Variants in AHCYL2 observed in about 807,000 individuals in gnomAD.
AHCYL2 encodes the protein S-adenosylhomocysteine hydrolase-like protein 2.
In AHCYL2, 28 loss-of-function variants were observed where a neutral mutation model predicts 81.4. The ratio of observed to expected loss-of-function variants is 0.34; its 90% CI spans 0.25 to 0.47. The LOEUF (loss-of-function observed/expected upper bound fraction) is 0.47. AHCYL2 is among the 20% of genes least tolerant of loss of function. The pLI is 1.00. For missense variants in AHCYL2, 551 were observed against 785.1 expected (o/e 0.70, Z 3.56); for synonymous variants, 272 against 290.2 (o/e 0.94, Z 0.64).
intron 1 of AHCYL2, among the ~76,000 whole-genome samples, chr7:129,334,487 G>A (rs896728439): frequency 2.6e-5 from 4 of 152,018 alleles, no homozygotes; most frequent in Non-Finnish European, 5.9e-5. Flanking sequence ...TTTTACTGTC[G>A]ACAGACGATA....
intron 1 of AHCYL2, among the ~76,000 whole-genome samples, chr7:129,255,821 G>A (rs1454161920): frequency 1.3e-5 from 2 of 152,170 alleles, no homozygotes; most frequent in Non-Finnish European, 1.5e-5. Context: ...ACAAAAATTA[G>A]CTGGGCCTCG....
chr7:129,383,819 C>G (rs1362390663), intron 2 of AHCYL2, among the ~76,000 whole-genome samples: 2 of 152,186 alleles, frequency 1.3e-5, no homozygotes, highest in Non-Finnish European at 2.9e-5. Context: ...TGCTCTTTTT[C>G]CAGATACATG....
At chr7:129,281,771 T>A (rs1483975323) in intron 1 of AHCYL2, among the ~76,000 whole-genome samples, 1 of 152,188 alleles carries the variant, frequency 6.6e-6, no homozygotes, top group East Asian at 1.9e-4. Flanking sequence ...GTGCTGGGAT[T>A]ACAGGCGTGA....
At chr7:129,237,853 G>T (rs1051239755) in intron 1 of AHCYL2, among the ~76,000 whole-genome samples, 2 of 151,978 alleles carry the variant, frequency 1.3e-5, no homozygotes, top group Admixed American at 1.3e-4. Flanking sequence ...GAGTGGCTGG[G>T]ATTACAGGTG....
chr7:129,353,244 G>A (rs755509658), intron 1 of AHCYL2, among the ~76,000 whole-genome samples: 4 of 152,050 alleles, frequency 2.6e-5, no homozygotes, highest in Non-Finnish European at 5.9e-5. Flanking sequence ...CACCATGCCC[G>A]GCCATTCTTT....
chr7:129,241,424 C>T (rs983267519), intron 1 of AHCYL2, among the ~76,000 whole-genome samples: 1 of 151,980 alleles, frequency 6.6e-6, no homozygotes, highest in Non-Finnish European at 1.5e-5. Context: ...AACCTTGTCT[C>T]TACTAAAAAT....
At position 129,428,270 on chromosome 7, in the gene AHCYL2, T is replaced by G. The variant is rs1207163944; in HGVS notation, c.*1225T>G. On this transcript the variant is annotated 3_prime_UTR_variant, in exon 17 of 17. Transcript: ENST00000325006. ...GACTTCTCTGCTGGCATATCTTTTA[T>G]GATTTAACCTCTTCCATTTGATGAT... 1 of 152,242 alleles carries G rather than the reference T, an allele frequency of 6.6e-6. No individual in the cohort carries two copies. The highest frequency in any genetic ancestry group is 1.5e-5 in the Non-Finnish European group (1 of 68,040). The allele number at this position is 152,242 out of a possible 1,614,324, so 9.4% of individuals were successfully genotyped here.
chr7:129,240,001 A>G (rs1225037541), intron 1 of AHCYL2, among the ~76,000 whole-genome samples: 1 of 152,070 alleles, frequency 6.6e-6, no homozygotes, highest in Non-Finnish European at 1.5e-5. Context: ...AGGCGGGTGG[A>G]TCACCTGAGG....
intron 1 of AHCYL2, among the ~76,000 whole-genome samples, chr7:129,363,852 T>A (rs954821209): frequency 1.3e-5 from 2 of 152,134 alleles, no homozygotes; most frequent in African/African-American, 4.8e-5. Flanking sequence ...TTATTTTTAA[T>A]CTTGTTTCTC....
chr7:129,226,288 G>A lies in AHCYL2; in HGVS notation c.363+849G>A, dbSNP rs117404808. On this transcript the variant is annotated intron_variant, in intron 1 of 16. Coordinates refer to ENST00000325006, the MANE Select transcript of AHCYL2 (RefSeq NM_015328.4). ...CAGAATACCAAGAAGTAACTGCCTA[G>A]GTGGATGATAGCCCTGTATTACCCG... 1.1e-3 allele frequency among the ~76,000 whole-genome samples: 174 copies of A among 152,320 alleles called. 2 individuals are homozygous for A. The East Asian group carries it at 0.019, about 17-fold the overall frequency.
chr7:129,285,008 TA>T (rs1204611009), intron 1 of AHCYL2, among the ~76,000 whole-genome samples: 1 of 152,196 alleles, frequency 6.6e-6, no homozygotes, highest in Non-Finnish European at 1.5e-5. Context: ...TTTTGGAGTA[TA>T]AAAAATTAGA....
At chr7:129,424,464 T>A (rs905816319) in intron 13 of AHCYL2, among the ~76,000 whole-genome samples, 2 of 152,086 alleles carry the variant, frequency 1.3e-5, no homozygotes, top group African/African-American at 4.8e-5. Flanking sequence ...ATACCTCCCC[T>A]CACAACCTGG....
At position 129,406,558 on chromosome 7, in the gene AHCYL2, A is replaced by G. The variant is rs1796317584; in HGVS notation, c.1295+92A>G. The stretch of plus-strand genomic sequence containing the variant: ...GCCACACTTTATTTTAGAGGAGCCC[A>G]GATCCTCAGAGATGCTGCCACTAAC... On this transcript the variant is annotated intron_variant, in intron 10 of 16. Coordinates refer to ENST00000325006, the MANE Select transcript of AHCYL2 (RefSeq NM_015328.4). This position sits in a 1 kb window ranked among gnomAD's most constrained non-coding sequence, Gnocchi z 4.3. The G allele has an allele frequency of 1.7e-6, 2 of 1,144,632 alleles. No homozygotes were observed. The highest frequency in any genetic ancestry group is 3.0e-5 in the African/African-American group (2 of 65,734). 70.9% of individuals were successfully genotyped at this position (1,144,632 alleles called of 1,614,324 possible).
chr7:129,288,774 T>C lies in AHCYL2; in HGVS notation c.363+63335T>C, dbSNP rs1378777790. Reference sequence around the variant, plus strand: ...TTGTTTTAAAATTTTATCTATTTATTATTATTATTTTTGAGACAAGGCCTT... The same window carrying C: ...TTGTTTTAAAATTTTATCTATTTATCATTATTATTTTTGAGACAAGGCCTT... On this transcript the variant is annotated intron_variant, in intron 1 of 16. Transcript: ENST00000325006. Among the ~76,000 whole-genome samples the C allele has an allele frequency of 5.3e-5, 8 of 152,102 alleles. No individual in the cohort carries two copies. In the South Asian group the frequency reaches 1.7e-3, roughly 32 times the overall value.
intron 4 of AHCYL2, among the ~76,000 whole-genome samples, chr7:129,395,689 G>A (rs1426848848): frequency 6.6e-6 from 1 of 152,096 alleles, no homozygotes; most frequent in Non-Finnish European, 1.5e-5. Context: ...AGAGTGTAGG[G>A]AAGTGCCCAG....
chr7:129,394,201 A>C (rs1369141384), intron 4 of AHCYL2, among the ~76,000 whole-genome samples: 1 of 151,368 alleles, frequency 6.6e-6, no homozygotes, highest in Non-Finnish European at 1.5e-5. Flanking sequence ...TGTAGAGAAG[A>C]GATCTTGCTG....
chr7:129,247,894 A>G lies in AHCYL2; in HGVS notation c.363+22455A>G, dbSNP rs572529889. ...TGGGACTGCAAGCATGAGCCACTGCACTTAGCCTTAGATTCTACTTTTGGT... is the reference window on the plus strand; with the variant it reads ...TGGGACTGCAAGCATGAGCCACTGCGCTTAGCCTTAGATTCTACTTTTGGT... On this transcript the variant is annotated intron_variant, in intron 1 of 16. Coordinates refer to ENST00000325006, the MANE Select transcript of AHCYL2 (RefSeq NM_015328.4). Among the ~76,000 whole-genome samples, 4 of 152,336 alleles carry G rather than the reference A, an allele frequency of 2.6e-5. No individual in the cohort carries two copies. The East Asian group carries it at 7.7e-4, about 29-fold the overall frequency.
At position 129,400,691 on chromosome 7, in the gene AHCYL2, C is replaced by G. The variant is rs533336891; in HGVS notation, c.918+307C>G. The stretch of plus-strand genomic sequence containing the variant: ...GTTAAAAAACAATAGTAATGAGTTT[C>G]CATCCCCTGCTACTGCCTACTTCCC... On this transcript the variant is annotated intron_variant, in intron 6 of 16. Coordinates refer to ENST00000325006, the MANE Select transcript of AHCYL2 (RefSeq NM_015328.4). Among the ~76,000 whole-genome samples, 7 of 152,240 alleles carry G rather than the reference C, an allele frequency of 4.6e-5. No homozygotes were observed. In the South Asian group the frequency reaches 1.5e-3, roughly 32 times the overall value.
intron 11 of AHCYL2, 120 bp downstream of exon 11, chr7:129,409,666 A>G (rs6467244): frequency 0.9 from 693,710 of 769,434 alleles, 315,152 homozygotes; most frequent in East Asian, 0.97. Context: ...ATAGTAGCCC[A>G]CAAAGCCAGC....
Sources: allele counts gnomAD v4.1 joint callset (sites outside exome capture counted in the v4.1 genomes callset), GRCh38; gene constraint gnomAD v4.1.1; non-coding constraint Gnocchi (gnomAD v3.1); transcripts MANE v1.5; gene names NCBI Gene and HGNC (gene_info 2026-07-23, HGNC 2026-07-21).